The following GRM7 variants were observed in gnomAD, a reference collection of about 807,000 sequenced individuals.
The protein encoded by GRM7 is glutamate metabotropic receptor 7.
A neutral mutation model predicts 84.5 loss-of-function variants in GRM7; 35 were observed. That is an observed-to-expected ratio of 0.41 (90% confidence interval 0.32 to 0.55). The LOEUF is 0.55. Ranked by LOEUF, GRM7 falls within the 20% of genes least tolerant of loss-of-function variation. The pLI is 0.19. For missense variants in GRM7, 1,003 were observed against 1,194.6 expected, an observed-to-expected ratio of 0.84 and a Z score of 2.36; for synonymous variants, 487 against 455.1, an observed-to-expected ratio of 1.07 and a Z score of -0.89.
chr3:7,104,001 T>A (rs559635222), intron 1 of GRM7, among the ~76,000 whole-genome samples: 1 of 151,638 alleles, frequency 6.6e-6, no homozygotes, highest in Non-Finnish European at 1.5e-5. Flanking sequence ...CCCACCAAAT[T>A]TATATGTTGA....
rs576341409 is a variant in GRM7, at chr3:6,885,672, A to G, written c.519+23765A>G. Reference sequence around the variant, plus strand: ...ATTTTCTTATTATAAGGGAGGTATTATGAAGACCAACCAACTTAAAGAGTT... The same window carrying G: ...ATTTTCTTATTATAAGGGAGGTATTGTGAAGACCAACCAACTTAAAGAGTT... On this transcript the variant is annotated intron_variant, in intron 1 of 9. Transcript: ENST00000357716. Among the ~76,000 whole-genome samples the G allele has an allele frequency of 5.9e-5, 9 of 152,342 alleles. No homozygotes were observed. The South Asian group carries it at 1.7e-3, about 28-fold the overall frequency.
rs189083176 is a variant in GRM7 at position 7,356,148 on chromosome 3, G to A, written c.1033+49496G>A. On this transcript the variant is annotated intron_variant, in intron 4 of 9. Transcript: ENST00000357716. ...ACTGTAGCTAATGCTTTAGCTGGATGGTCAGGGACTTAGAAGGAGCATGAT... is the reference window on the plus strand; with the variant it reads ...ACTGTAGCTAATGCTTTAGCTGGATAGTCAGGGACTTAGAAGGAGCATGAT... Among the ~76,000 whole-genome samples the A allele has an allele frequency of 2.6e-4, 40 of 152,184 alleles. No homozygotes were observed. In the East Asian group the frequency reaches 7.2e-3, roughly 27 times the overall value.
At chr3:6,938,284 T>A (rs371343466) in intron 1 of GRM7, among the ~76,000 whole-genome samples, 51 of 152,334 alleles carry the variant, frequency 3.3e-4, no homozygotes, top group African/African-American at 9.4e-4. Flanking sequence ...TTTCCCATCA[T>A]AAACACATTT....
intron 2 of GRM7, among the ~76,000 whole-genome samples, chr3:7,184,014 A>G (rs1443410970): frequency 6.6e-6 from 1 of 152,150 alleles, no homozygotes; most frequent in Non-Finnish European, 1.5e-5. Context: ...CCCTGATGGA[A>G]GATGCCACTT....
At chr3:7,138,331 C>T (rs184684668) in intron 1 of GRM7, among the ~76,000 whole-genome samples, 4 of 151,802 alleles carry the variant, frequency 2.6e-5, no homozygotes, top group Non-Finnish European at 4.4e-5. Flanking sequence ...TCACTGAGAG[C>T]TAAGAAGCTA....
intron 7 of GRM7, among the ~76,000 whole-genome samples, chr3:7,566,723 A>G (rs973467058): frequency 5.3e-5 from 8 of 151,318 alleles, no homozygotes; most frequent in Non-Finnish European, 1.2e-4. Flanking sequence ...AATATATGGT[A>G]TTTTTTAAAA....
chr3:7,057,692 T>A (rs756391613), intron 1 of GRM7, among the ~76,000 whole-genome samples: 5 of 151,952 alleles, frequency 3.3e-5, no homozygotes, highest in Non-Finnish European at 7.4e-5. Context: ...CTCTGAAACA[T>A]TTTCCAAATC....
Position 7,528,459 on chromosome 3 carries a change from C to A in GRM7, c.1516-49963C>A, listed in dbSNP as rs536123978. 1.6e-3 allele frequency among the ~76,000 whole-genome samples: 236 copies of A among 151,922 alleles called. 1 individual carries two copies. The highest frequency in any genetic ancestry group is 2.8e-3 in the Non-Finnish European group (187 of 67,912). On this transcript the variant is annotated intron_variant, in intron 7 of 9. Transcript: ENST00000357716. ...GGTCTATTGATATTGCTTACACTTT[C>A]AAAGAACCAAATTTTCCTTCATTGA...
chr3:7,356,216 G>T (rs2125097818), intron 4 of GRM7, among the ~76,000 whole-genome samples: 1 of 152,234 alleles, frequency 6.6e-6, no homozygotes, highest in Middle Eastern at 3.4e-3. Flanking sequence ...TATATGAATA[G>T]ACTTCTCTGA....
intron 6 of GRM7, among the ~76,000 whole-genome samples, chr3:7,458,509 C>T (rs1559337138): frequency 6.6e-6 from 1 of 152,184 alleles, no homozygotes. Flanking sequence ...AAAGGCCAAA[C>T]CCACACAATG....
chr3:7,336,063 A>G (rs1203432184), intron 4 of GRM7, among the ~76,000 whole-genome samples: 2 of 150,708 alleles, frequency 1.3e-5, no homozygotes, highest in Non-Finnish European at 3.0e-5. Flanking sequence ...CAGTATCACC[A>G]TAAAACCAAA....
chr3:7,114,789 G>A (rs868172493), intron 1 of GRM7, among the ~76,000 whole-genome samples: 2 of 152,116 alleles, frequency 1.3e-5, no homozygotes, highest in African/African-American at 2.4e-5. Flanking sequence ...GTCAGAAACA[G>A]GTTTGGACCA....
At position 7,584,256 on chromosome 3, in the gene GRM7, G is replaced by A. The variant is rs569728788; in HGVS notation, c.2451+4899G>A. Among the ~76,000 whole-genome samples, 9 of 152,232 alleles carry A rather than the reference G, an allele frequency of 5.9e-5. No individual in the cohort carries two copies. In the East Asian group the frequency reaches 9.7e-4, roughly 16 times the overall value. ...AACCTCATTCTATCTGCAAATTTTC[G>A]AACAATGTGAATTCCAAATTAACTT... On this transcript the variant is annotated intron_variant, in intron 8 of 9. Coordinates refer to ENST00000357716, the MANE Select transcript of GRM7 (RefSeq NM_000844.4).
intron 5 of GRM7, among the ~76,000 whole-genome samples, chr3:7,426,308 A>G (rs1407732800): frequency 2.0e-5 from 3 of 151,890 alleles, no homozygotes; most frequent in Non-Finnish European, 4.4e-5. Flanking sequence ...TAGTAGAGAC[A>G]GGGTTTCTCT....
intron 9 of GRM7, among the ~76,000 whole-genome samples, chr3:7,718,086 G>T (rs567150892): frequency 1.3e-5 from 2 of 152,278 alleles, no homozygotes; most frequent in African/African-American, 2.4e-5. Flanking sequence ...CAACCCTGGG[G>T]CCTTGGGAGT....
intron 6 of GRM7, 34 bp downstream of exon 6, chr3:7,452,841 C>G (rs1436829194): frequency 7.5e-7 from 1 of 1,337,146 alleles, no homozygotes; most frequent in Non-Finnish European, 1.1e-6. Context: ...TTTTGGAATC[C>G]TAAGTGTTGG....
At chr3:6,973,302 T>C (rs1454416775) in intron 1 of GRM7, among the ~76,000 whole-genome samples, 2 of 152,132 alleles carry the variant, frequency 1.3e-5, no homozygotes, top group Non-Finnish European at 1.5e-5. Context: ...CAACTCTTAA[T>C]TGAACATCTA....
intron 9 of GRM7, among the ~76,000 whole-genome samples, chr3:7,721,223 A>G (rs1420891380): frequency 6.6e-6 from 1 of 152,198 alleles, no homozygotes; most frequent in East Asian, 1.9e-4. Context: ...TTTTGGCAAT[A>G]TTGGTTTTTT....
intron 4 of GRM7, among the ~76,000 whole-genome samples, chr3:7,389,524 T>C (rs1245347120): frequency 6.6e-6 from 1 of 152,118 alleles, no homozygotes; most frequent in African/African-American, 2.4e-5. Context: ...ACATAATTGT[T>C]TTATAAGTCC....
Sources: allele counts gnomAD v4.1 joint callset (sites outside exome capture counted in the v4.1 genomes callset), GRCh38; gene constraint gnomAD v4.1.1; transcripts MANE v1.5; gene names NCBI Gene and HGNC (gene_info 2026-07-23, HGNC 2026-07-21).